The following DLGAP2 variants were observed in gnomAD, a reference collection of about 807,000 sequenced individuals.
DLGAP2 encodes DLG associated protein 2, also known as disks large-associated protein 2.
DLGAP2 carries 26 observed loss-of-function variants against 100.3 expected under a neutral mutation model. That is an observed-to-expected ratio of 0.26 (90% CI 0.19 to 0.36). The LOEUF is 0.36. Ranked by LOEUF, DLGAP2 falls within the 10% of genes least tolerant of loss-of-function variation. The probability of loss-of-function intolerance (pLI) is 1.00; values close to 1 mark genes in which losing one functional copy is unlikely to be tolerated. For synonymous variants in DLGAP2, 886 were observed against 630.1 expected (o/e 1.41, Z -6.08); for missense variants, 1,858 against 1,453.2 (o/e 1.28, Z -4.53).
At chr8:1,593,241 T>C (rs922947367) in intron 6 of DLGAP2, among the ~76,000 whole-genome samples, 1 of 151,908 alleles carries the variant, frequency 6.6e-6, no homozygotes, top group Non-Finnish European at 1.5e-5. Flanking sequence ...GATCATGAGG[T>C]CAGGAGATTG....
chr8:910,798 G>A (rs1798469183), intron 2 of DLGAP2, among the ~76,000 whole-genome samples: 1 of 152,228 alleles, frequency 6.6e-6, no homozygotes, highest in Non-Finnish European at 1.5e-5. Flanking sequence ...TAGGATTGGT[G>A]TCCTTGCAGG....
chr8:874,201 A>T (rs943247630), intron 1 of DLGAP2, among the ~76,000 whole-genome samples: 2 of 150,946 alleles, frequency 1.3e-5, no homozygotes, highest in African/African-American at 4.9e-5. Context: ...GTTCTCTATT[A>T]GTTTCTGTTT....
intron 4 of DLGAP2, among the ~76,000 whole-genome samples, chr8:1,519,460 A>G (rs1429390205): frequency 6.6e-6 from 1 of 152,218 alleles, no homozygotes; most frequent in Non-Finnish European, 1.5e-5. Context: ...ATCAGAAAAT[A>G]GAATATGAAA....
At position 965,648 on chromosome 8, in the gene DLGAP2, G is replaced by A. The variant is rs558458903; in HGVS notation, c.73+57682G>A. ...GCACACGGCACTGTTCACCACACAG[G>A]GCTCCTGAGTCTGACCCCGCACTGC... On this transcript the variant is annotated intron_variant, in intron 2 of 14. Coordinates refer to ENST00000637795, the MANE Select transcript of DLGAP2 (RefSeq NM_001346810.2). 5.2e-4 allele frequency among the ~76,000 whole-genome samples: 73 copies of A among 139,112 alleles called. 2 individuals carry two copies. The highest frequency in any genetic ancestry group is 1.9e-3 in the African/African-American group (66 of 34,258). The allele number at this position is 139,112 out of a possible 152,430, so 91.3% of individuals were successfully genotyped here. A position where few individuals can be genotyped will look rare whatever the true frequency, so the allele number is the denominator to read the frequency against.
intron 2 of DLGAP2, among the ~76,000 whole-genome samples, chr8:1,241,420 C>T (rs536744523): frequency 6.6e-6 from 1 of 152,360 alleles, no homozygotes; most frequent in African/African-American, 2.4e-5. Context: ...CCAGTTCTCT[C>T]ACATAGTGCT....
At chr8:1,144,332 A>G (rs894563990) in intron 2 of DLGAP2, among the ~76,000 whole-genome samples, 1 of 152,254 alleles carries the variant, frequency 6.6e-6, no homozygotes, top group African/African-American at 2.4e-5. Flanking sequence ...ATTACTGTTT[A>G]TGGGCCAGGG....
chr8:1,204,640 G>A (rs533143743), intron 2 of DLGAP2, among the ~76,000 whole-genome samples: 1 of 152,192 alleles, frequency 6.6e-6, no homozygotes, highest in Non-Finnish European at 1.5e-5. Context: ...CTGCATGTTG[G>A]CTGATTCGCC....
chr8:1,488,274 G>A (rs192659675), intron 3 of DLGAP2, among the ~76,000 whole-genome samples: 13 of 152,258 alleles, frequency 8.5e-5, no homozygotes, highest in Admixed American at 7.2e-4. Context: ...ACAGACGCCC[G>A]TCTGGGATTT....
At chr8:1,266,717 G>C (rs1360922357) in intron 3 of DLGAP2, among the ~76,000 whole-genome samples, 1 of 152,118 alleles carries the variant, frequency 6.6e-6, no homozygotes, top group Non-Finnish European at 1.5e-5. Context: ...GATACAGTGA[G>C]GGGGGAGGGG....
intron 1 of DLGAP2, among the ~76,000 whole-genome samples, chr8:859,128 T>C (rs559676873): frequency 6.6e-6 from 1 of 151,952 alleles, no homozygotes; most frequent in African/African-American, 2.4e-5. Flanking sequence ...TTTTTTTTTT[T>C]TGAGATGGAG....
intron 3 of DLGAP2, among the ~76,000 whole-genome samples, chr8:1,329,608 C>T (rs1032637331): frequency 3.9e-5 from 6 of 152,102 alleles, no homozygotes; most frequent in African/African-American, 9.7e-5. Context: ...GGTTCTGTGC[C>T]GGGTCCTGGG....
chr8:1,421,603 T>G (rs1584882997), intron 3 of DLGAP2, among the ~76,000 whole-genome samples: 1 of 151,986 alleles, frequency 6.6e-6, no homozygotes, highest in Admixed American at 6.6e-5. Flanking sequence ...TTGAAGAGAG[T>G]AACGATTGCA....
chr8:921,833 G>T (rs1021442404), intron 2 of DLGAP2, among the ~76,000 whole-genome samples: 3 of 152,232 alleles, frequency 2.0e-5, no homozygotes, highest in African/African-American at 7.2e-5. Context: ...CCGGGCCAGG[G>T]TCCTCACCCA....
intron 2 of DLGAP2, among the ~76,000 whole-genome samples, chr8:1,102,413 C>G (rs1372375285): frequency 6.7e-6 from 1 of 150,180 alleles, no homozygotes. Context: ...ACACAGCTGT[C>G]TCGAGTCACT....
In DLGAP2 at chr8:836,522, G is replaced by A. The variant is rs76110044; in HGVS notation, c.19-71390G>A. Among the ~76,000 whole-genome samples, 8 of 152,338 alleles carry A rather than the reference G, an allele frequency of 5.3e-5. No individual in the cohort carries two copies. The East Asian group carries it at 1.2e-3, about 22-fold the overall frequency. ...CTGGCAAGCGTTCGAGGCCTGGCAG[G>A]TGCGGGGGCACACAAGGCTGAGGTT... On this transcript the variant is annotated intron_variant, in intron 1 of 14. Transcript: ENST00000637795.
At chr8:1,232,941 C>A (rs4292715) in intron 2 of DLGAP2, among the ~76,000 whole-genome samples, 6 of 152,146 alleles carry the variant, frequency 3.9e-5, no homozygotes, top group Non-Finnish European at 8.8e-5. Context: ...TAGGCCCACC[C>A]CCTGCCCAGC....
chr8:1,038,799 C>G (rs1408351154), intron 2 of DLGAP2, among the ~76,000 whole-genome samples: 1 of 152,012 alleles, frequency 6.6e-6, no homozygotes, highest in Non-Finnish European at 1.5e-5. Context: ...AACTACGACC[C>G]CACATTTGCT....
chr8:979,541 G>C (rs1280779442), intron 2 of DLGAP2, among the ~76,000 whole-genome samples: 1 of 152,326 alleles, frequency 6.6e-6, no homozygotes, highest in East Asian at 1.9e-4. Context: ...AAAAGTGCTT[G>C]CTGATTATCA....
chr8:1,419,897 G>A (rs999322013), intron 3 of DLGAP2, among the ~76,000 whole-genome samples: 3 of 152,186 alleles, frequency 2.0e-5, no homozygotes, highest in African/African-American at 7.2e-5. Flanking sequence ...ATTCACAATA[G>A]CCAGGAGATG....
Sources: allele counts gnomAD v4.1 joint callset (sites outside exome capture counted in the v4.1 genomes callset), GRCh38; gene constraint gnomAD v4.1.1; transcripts MANE v1.5; gene names NCBI Gene and HGNC (gene_info 2026-07-23, HGNC 2026-07-21).